CACNA2D3: variants seen among roughly 807,000 people sequenced by gnomAD.
CACNA2D3 encodes the protein voltage-dependent calcium channel subunit alpha-2/delta-3.
Under a neutral mutation model 160.6 loss-of-function variants are expected in CACNA2D3, and 60 were observed. That is an observed-to-expected ratio of 0.37 (90% CI 0.30 to 0.46). The LOEUF is 0.46. Among genes scored for constraint, CACNA2D3 ranks in the 20% least tolerant of loss-of-function variants. The pLI is 1.00. For synonymous variants in CACNA2D3, 558 were observed against 492.9 expected (o/e 1.13, Z -1.75); for missense variants, 1,205 against 1,365.0 (o/e 0.88, Z 1.85).
chr3:54,160,798 A>T (rs1247813996), intron 2 of CACNA2D3, among the ~76,000 whole-genome samples: 1 of 152,184 alleles, frequency 6.6e-6, no homozygotes. Context: ...CTCATTAACC[A>T]ATTTGTAATG....
chr3:54,677,119 G>T (rs944414055), intron 11 of CACNA2D3, among the ~76,000 whole-genome samples: 8 of 152,186 alleles, frequency 5.3e-5, no homozygotes, highest in African/African-American at 9.6e-5. Context: ...AAACTTACAT[G>T]ATTAAGTTTA....
At chr3:54,651,651 A>G (rs1225720945) in intron 11 of CACNA2D3, among the ~76,000 whole-genome samples, 1 of 152,052 alleles carries the variant, frequency 6.6e-6, no homozygotes, top group East Asian at 1.9e-4. Context: ...TGTCACATGC[A>G]TCTTCGAGGA....
At chr3:54,400,288 C>A (rs549141928) in intron 4 of CACNA2D3, among the ~76,000 whole-genome samples, 1 of 151,794 alleles carries the variant, frequency 6.6e-6, no homozygotes, top group Non-Finnish European at 1.5e-5. Flanking sequence ...GAGCTGTAGA[C>A]CGGAGCTGTT....
chr3:54,528,178 T>G (rs2106637958), intron 5 of CACNA2D3, among the ~76,000 whole-genome samples: 1 of 152,144 alleles, frequency 6.6e-6, no homozygotes, highest in South Asian at 2.1e-4. Flanking sequence ...CGGTCACTAC[T>G]GCAACATGAG....
At chr3:54,281,642 T>C (rs7632823) in intron 2 of CACNA2D3, among the ~76,000 whole-genome samples, 1 of 152,192 alleles carries the variant, frequency 6.6e-6, no homozygotes, top group South Asian at 2.1e-4. Context: ...GGTGCGGTTA[T>C]GTTTTATTGA....
intron 11 of CACNA2D3, among the ~76,000 whole-genome samples, chr3:54,670,667 C>T (rs187028387): frequency 1.3e-5 from 2 of 152,322 alleles, no homozygotes; most frequent in African/African-American, 2.4e-5. Context: ...GCTGGACTGT[C>T]AGGGTCCTGT....
At position 54,189,485 on chromosome 3, in the gene CACNA2D3, C is replaced by T. The variant is rs576074937; in HGVS notation, c.204+65891C>T. On this transcript the variant is annotated intron_variant, in intron 2 of 37. Coordinates refer to ENST00000474759, the MANE Select transcript of CACNA2D3 (RefSeq NM_018398.3). ...TCCAGACAAGTTTATTCCTTGCTATCCCATCCTTCCATGTCCTTTGAGATC... is the reference window on the plus strand; with the variant it reads ...TCCAGACAAGTTTATTCCTTGCTATTCCATCCTTCCATGTCCTTTGAGATC... 6.6e-5 allele frequency among the ~76,000 whole-genome samples: 10 copies of T among 152,288 alleles called. No individual in the cohort carries two copies. The South Asian group carries it at 1.7e-3, about 25-fold the overall frequency.
chr3:54,270,365 A>G (rs1702597203), intron 2 of CACNA2D3, among the ~76,000 whole-genome samples: 1 of 152,244 alleles, frequency 6.6e-6, no homozygotes, highest in South Asian at 2.1e-4. Flanking sequence ...GCAGGAATTA[A>G]TCGACCTGCT....
intron 11 of CACNA2D3, among the ~76,000 whole-genome samples, chr3:54,659,092 C>T (rs961458070): frequency 1.3e-5 from 2 of 152,162 alleles, no homozygotes; most frequent in Non-Finnish European, 2.9e-5. Context: ...AAGTTGTCCC[C>T]TGTCCCCTGA....
intron 27 of CACNA2D3, among the ~76,000 whole-genome samples, chr3:54,907,965 A>T (rs889955158): frequency 3.3e-5 from 5 of 152,226 alleles, no homozygotes. Context: ...TAGCACATCC[A>T]TTCATAAGTT....
At chr3:54,588,449 GT>G (rs1483063955) in intron 9 of CACNA2D3, among the ~76,000 whole-genome samples, 1 of 152,160 alleles carries the variant, frequency 6.6e-6, no homozygotes, top group Non-Finnish European at 1.5e-5. Flanking sequence ...AAAGTGTTAA[GT>G]TTTAGTCAGG....
chr3:54,815,628 G>A (rs919223017), intron 13 of CACNA2D3, among the ~76,000 whole-genome samples: 5 of 152,188 alleles, frequency 3.3e-5, no homozygotes, highest in Admixed American at 6.5e-5. Context: ...TTATTTATGT[G>A]TGAATTGAGT....
At chr3:54,780,190 A>C (rs1169499296) in intron 13 of CACNA2D3, among the ~76,000 whole-genome samples, 1 of 152,230 alleles carries the variant, frequency 6.6e-6, no homozygotes, top group African/African-American at 2.4e-5. Flanking sequence ...TCCAAAATGC[A>C]TGTGTCATAT....
At chr3:54,783,446 A>C (rs181035338) in intron 13 of CACNA2D3, among the ~76,000 whole-genome samples, 159 of 152,132 alleles carry the variant, frequency 1.0e-3, no homozygotes, top group African/African-American at 3.5e-3. Flanking sequence ...TCTCTACTAA[A>C]AATACAAAAA....
At chr3:54,854,344 G>A (rs1010069749) in intron 17 of CACNA2D3, among the ~76,000 whole-genome samples, 5 of 152,188 alleles carry the variant, frequency 3.3e-5, no homozygotes, top group African/African-American at 1.2e-4. Context: ...CCTGGTCTGG[G>A]CACGAGTGGA....
intron 5 of CACNA2D3, among the ~76,000 whole-genome samples, chr3:54,507,650 G>A (rs1403704148): frequency 6.6e-6 from 1 of 152,142 alleles, no homozygotes; most frequent in Non-Finnish European, 1.5e-5. Flanking sequence ...TTTTTGAGAG[G>A]AGACTGGGTG....
At position 54,662,087 on chromosome 3, in the gene CACNA2D3, T is replaced by A. The variant is rs188452766; in HGVS notation, c.1167+19846T>A. On this transcript the variant is annotated intron_variant, in intron 11 of 37. Transcript: ENST00000474759. ...AATTACATAAGGGCAGATATCATGTTCCTCTGGGTCACCAGTGGATGCCCA... is the reference window on the plus strand; with the variant it reads ...AATTACATAAGGGCAGATATCATGTACCTCTGGGTCACCAGTGGATGCCCA... 1.1e-3 allele frequency among the ~76,000 whole-genome samples: 170 copies of A among 152,264 alleles called. 1 individual carries two copies. Among genetic ancestry groups the A allele is most frequent in the African/African-American group, 4.0e-3 (166 of 41,554 alleles).
At chr3:54,987,468 C>T (rs1400955378) in intron 30 of CACNA2D3, among the ~76,000 whole-genome samples, 1 of 152,116 alleles carries the variant, frequency 6.6e-6, no homozygotes, top group East Asian at 1.9e-4. Flanking sequence ...TTACGCAGCC[C>T]CCTCCCACGT....
chr3:54,664,496 A>G (rs780414708), intron 11 of CACNA2D3, among the ~76,000 whole-genome samples: 21 of 152,214 alleles, frequency 1.4e-4, no homozygotes, highest in Non-Finnish European at 1.8e-4. Flanking sequence ...CCCTTTCAGC[A>G]TCATCTGAAG....
Sources: allele counts gnomAD v4.1 joint callset (sites outside exome capture counted in the v4.1 genomes callset), GRCh38; gene constraint gnomAD v4.1.1; transcripts MANE v1.5; gene names NCBI Gene and HGNC (gene_info 2026-07-23, HGNC 2026-07-21).